The following SLC25A44 variants were observed in gnomAD, a reference collection of about 807,000 sequenced individuals.
SLC25A44 encodes the protein solute carrier family 25 member 44.
A neutral mutation model predicts 29.9 loss-of-function variants in SLC25A44; 17 were observed. The observed-to-expected ratio is 0.57, with a 90% CI of 0.39 to 0.85. The LOEUF is 0.85. Among genes scored for constraint, SLC25A44 ranks in the 40% least tolerant of loss-of-function variants. SLC25A44 has a pLI of 0.00. For missense variants in SLC25A44, 302 were observed against 398.4 expected (o/e 0.76, Z 2.06); for synonymous variants, 140 against 151.8 (o/e 0.92, Z 0.57).
At position 156,210,471 on chromosome 1, in the gene SLC25A44, C is replaced by T. The variant is rs376027081; in HGVS notation, c.*40C>T. The T allele has an allele frequency of 3.7e-5, 54 of 1,473,982 alleles. No individual in the cohort carries two copies. The highest frequency in any genetic ancestry group is 8.5e-5 in the Admixed American group (4 of 47,318). 91.3% of individuals were successfully genotyped at this position (1,473,982 alleles called of 1,614,324 possible). On this transcript the variant is annotated 3_prime_UTR_variant, in exon 4 of 4. Coordinates refer to ENST00000359511, the MANE Select transcript of SLC25A44 (RefSeq NM_014655.4). ...AGAAGCCTGCTGTTTTCCACACTACCGTGGGTCAGGGGCAGAGTGGAGAGG... is the reference window on the plus strand; with the variant it reads ...AGAAGCCTGCTGTTTTCCACACTACTGTGGGTCAGGGGCAGAGTGGAGAGG...
chr1:156,198,848 C>T lies in SLC25A44; in HGVS notation c.-13-987C>T, dbSNP rs1165005195. On this transcript the variant is annotated intron_variant, in intron 1 of 3. Transcript: ENST00000359511. This position sits in a 1 kb window ranked among gnomAD's most constrained non-coding sequence, Gnocchi z 4.1. ...AGAGTCTATCTCCTCTGTCACTTCT[C>T]CCCCTTCATTATCTAAGACTGAGGT... The T allele has an allele frequency of 6.6e-6, 1 of 152,298 alleles. No individual in the cohort carries two copies. Among genetic ancestry groups the T allele is most frequent in the African/African-American group, 2.4e-5 (1 of 41,438 alleles). 9.4% of individuals were successfully genotyped at this position (152,298 alleles called of 1,614,324 possible).
rs766399547 is a variant in SLC25A44 at position 156,200,012 on chromosome 1, T to C, written c.165T>C (p.His55=). The C allele has an allele frequency of 2.5e-6, 4 of 1,614,176 alleles. No homozygotes were observed. The Admixed American group carries it at 5.0e-5, about 20-fold the overall frequency. Residue 55 remains histidine, a synonymous_variant, in exon 2 of 4, where the codon CAT becomes CAC. Coordinates refer to ENST00000359511, the MANE Select transcript of SLC25A44 (RefSeq NM_014655.4). ...TTCAGAAGGGGAAGAGCCTCTACCA[T>C]GGGACCTTCGATGCCTTCATCAAGA... The part of the protein sequence containing the change: ...LQVQKGKSLY[H]GTFDAFIKIL...
Position 156,210,261 on chromosome 1 carries a change from A to T in SLC25A44, c.775A>T (p.Ile259Phe). The T allele has an allele frequency of 6.4e-7, 1 of 1,570,724 alleles. No individual in the cohort carries two copies. The highest frequency in any genetic ancestry group is 1.7e-4 in the Middle Eastern group (1 of 5,866). ...RVQVEGKNSI[I>F]LTFRQLMAEE... ...CCAGGTTGAGGGCAAGAACTCCATC[A>T]TCCTGACCTTCAGACAGCTGATGGC... Residue 259 changes from isoleucine to phenylalanine, a missense_variant, in exon 4 of 4, where the codon ATC (isoleucine) becomes TTC (phenylalanine). By Grantham distance (21) the Ile-to-Phe change is conservative. Coordinates refer to ENST00000359511, the MANE Select transcript of SLC25A44 (RefSeq NM_014655.4).
chr1:156,208,581 GA>G (rs2103053060), intron 3 of SLC25A44, among the ~76,000 whole-genome samples: 1 of 152,326 alleles, frequency 6.6e-6, no homozygotes, highest in African/African-American at 2.4e-5. Flanking sequence ...ATGCCTCCAG[GA>G]AATCTTACTG....
intron 2 of SLC25A44, among the ~76,000 whole-genome samples, chr1:156,201,680 T>C (rs1656593313): frequency 6.7e-6 from 1 of 150,230 alleles, no homozygotes; most frequent in South Asian, 2.1e-4. Context: ...TTCTTCCTTC[T>C]TTTTCTTCTT....
intron 1 of SLC25A44, 85 bp from the exon 2 acceptor site, chr1:156,199,750 A>G: frequency 5.9e-6 from 7 of 1,188,118 alleles, no homozygotes; most frequent in Admixed American, 2.2e-5. Flanking sequence ...AGGGCTGAGA[A>G]TGGGCCTTCA....
chr1:156,210,217 C>T, intron 3 of SLC25A44, 23 bp from the exon 4 acceptor site: 1 of 1,503,926 alleles, frequency 6.6e-7, no homozygotes, highest in South Asian at 1.3e-5. Context: ...GACAATGGCC[C>T]TCCACTGTGT....
intron 1 of SLC25A44, among the ~76,000 whole-genome samples, chr1:156,194,647 G>C (rs994637020): frequency 6.6e-6 from 1 of 152,136 alleles, no homozygotes; most frequent in Admixed American, 6.5e-5. Context: ...GGAGGGTTCG[G>C]AGGCATCCCC....
intron 3 of SLC25A44, 105 bp from the exon 4 acceptor site, chr1:156,210,135 C>CG (rs1657199814): frequency 1.3e-6 from 1 of 766,030 alleles, no homozygotes; most frequent in Non-Finnish European, 2.1e-6. Flanking sequence ...CCACACCTTC[C>CG]GACGTCGGAG....
Position 156,210,141 on chromosome 1 carries a change from C to T in SLC25A44, c.754-99C>T, listed in dbSNP as rs575178122. 4.8e-5 allele frequency: 39 copies of T among 808,614 alleles called. 1 individual carries two copies. The highest frequency in any genetic ancestry group is 4.3e-4 in the East Asian group (16 of 36,982). 50.1% of individuals were successfully genotyped at this position (808,614 alleles called of 1,614,324 possible). A position where few individuals can be genotyped will look rare whatever the true frequency, so the allele number is the denominator to read the frequency against. ...AAGCAGAATCCACACCTTCCGACGT[C>T]GGAGTCTGGTTCTCCCCACTTTAGC... is the stretch of plus-strand genomic sequence containing the variant. On this transcript the variant is annotated intron_variant, in intron 3 of 3. Coordinates refer to ENST00000359511, the MANE Select transcript of SLC25A44 (RefSeq NM_014655.4).
chr1:156,207,813 G>A (rs746206977), intron 2 of SLC25A44, 73 bp from the exon 3 acceptor site: 308 of 1,569,608 alleles, frequency 2.0e-4, no homozygotes, highest in Non-Finnish European at 2.5e-4. Context: ...CCACCTGGTA[G>A]AAGCAGCAAG....
chr1:156,194,379 T>C (rs1424776055), intron 1 of SLC25A44, 132 bp downstream of exon 1: 2 of 152,652 alleles, frequency 1.3e-5, no homozygotes, highest in East Asian at 3.9e-4. Flanking sequence ...ACAACTGCGG[T>C]GAGGCGTCTC....
In SLC25A44 at chr1:156,200,378, T is replaced by C; in HGVS notation, c.531T>C (p.Asp177=). Residue 177 remains aspartate, a synonymous_variant, in exon 2 of 4, where the codon GAT becomes GAC. Coordinates refer to ENST00000359511, the MANE Select transcript of SLC25A44 (RefSeq NM_014655.4). The stretch of plus-strand genomic sequence containing the variant: ...TCATCAGGCAGATCCTGCAGGCTGA[T>C]GGACTTCGCGGCTTCTATCGAGGCT... ...KDIIRQILQA[D]GLRGFYRGYV... 1 of 1,614,102 alleles carries C rather than the reference T, an allele frequency of 6.2e-7. No homozygotes were observed. The highest frequency in any genetic ancestry group is 1.1e-5 in the South Asian group (1 of 91,084).
In SLC25A44 at chr1:156,210,227, T is replaced by C. The variant is rs1558182933; in HGVS notation, c.754-13T>C. 2 of 1,536,558 alleles carry C rather than the reference T, an allele frequency of 1.3e-6. No individual in the cohort carries two copies. Among genetic ancestry groups the C allele is most frequent in the Admixed American group, 4.0e-5 (2 of 50,266 alleles). ...CTACAGACAATGGCCCTCCACTGTG[T>C]TGACTTTTCCAGGTTGAGGGCAAGA... On this transcript the variant is annotated splice_polypyrimidine_tract_variant and intron_variant, in intron 3 of 3. Transcript: ENST00000359511.
At position 156,211,094 on chromosome 1, in the gene SLC25A44, GTGTGTGTTT is replaced by G. The variant is rs1206357702; in HGVS notation, c.*665_*673del. 2 of 151,072 alleles carry G rather than the reference GTGTGTGTTT, an allele frequency of 1.3e-5. No individual in the cohort carries two copies. Among genetic ancestry groups the G allele is most frequent in the African/African-American group, 5.2e-5 (2 of 38,618 alleles). 9.4% of individuals were successfully genotyped at this position (151,072 alleles called of 1,614,324 possible). A position where few individuals can be genotyped will look rare whatever the true frequency, so the allele number is the denominator to read the frequency against. On this transcript the variant is annotated 3_prime_UTR_variant, in exon 4 of 4. Transcript: ENST00000359511. ...TGTGTGTGTGTGTGTGTGTGTGTGT[GTGTGTGTTT>G]TAACATCTGTGAACCAGGCTATTAG...
intron 2 of SLC25A44, among the ~76,000 whole-genome samples, chr1:156,206,917 G>A (rs944026718): frequency 1.3e-5 from 2 of 152,200 alleles, no homozygotes; most frequent in African/African-American, 4.8e-5. Context: ...TCTAGCCTAT[G>A]AGTTGGGAGG....
At chr1:156,205,074 G>C (rs1240687353) in intron 2 of SLC25A44, among the ~76,000 whole-genome samples, 3 of 149,284 alleles carry the variant, frequency 2.0e-5, no homozygotes, top group African/African-American at 7.4e-5. Context: ...ATGGAGTTTC[G>C]CTCTTGTTGC....
intron 2 of SLC25A44, among the ~76,000 whole-genome samples, chr1:156,200,831 A>AT (rs35620511): frequency 0.39 from 38,648 of 99,970 alleles, 9,688 homozygotes; most frequent in Non-Finnish European, 0.5. Flanking sequence ...TTTCCTCAGC[A>AT]TTTTTTTTTT....
rs926234168 is a variant in SLC25A44, at chr1:156,211,363, G to A, written c.*932G>A. 6.5e-6 allele frequency: 1 copy of A among 152,814 alleles called. No individual in the cohort carries two copies. Among genetic ancestry groups the A allele is most frequent in the South Asian group, 2.1e-4 (1 of 4,816 alleles). 9.5% of individuals were successfully genotyped at this position (152,814 alleles called of 1,614,324 possible). ...TTGGAGCACTACCTTGAGAAGTCAG[G>A]TTGAGAAAGTAGTTGATCTAGAAGG... On this transcript the variant is annotated 3_prime_UTR_variant, in exon 4 of 4. Coordinates refer to ENST00000359511, the MANE Select transcript of SLC25A44 (RefSeq NM_014655.4).
Sources: gnomAD v4.1 joint callset for allele counts (sites outside exome capture counted in the v4.1 genomes callset) on GRCh38, gnomAD v4.1.1 for gene constraint, Gnocchi (gnomAD v3.1) non-coding constraint, MANE v1.5 for transcripts, NCBI Gene and HGNC (gene_info 2026-07-23, HGNC 2026-07-21) for gene names.